Variants in OTOA observed in about 807,000 individuals in gnomAD.
The protein encoded by OTOA is otoancorin.
Under a neutral mutation model 110.8 loss-of-function variants are expected in OTOA, and 70 were observed. That is an observed-to-expected ratio of 0.63 (90% confidence interval 0.52 to 0.77). OTOA has a LOEUF of 0.77. Ranked by LOEUF, OTOA falls within the 30% of genes least tolerant of loss-of-function variation. The pLI is 0.00. For missense variants in OTOA, 917 were observed against 1,075.8 expected (o/e 0.85, Z 2.06); for synonymous variants, 373 against 431.5 (o/e 0.86, Z 1.68).
Position 21,728,408 on chromosome 16 carries a change from G to T in OTOA, c.2184G>T (p.Arg728Ser), listed in dbSNP as rs1416547065. Residue 728 changes from arginine (R) to serine (S), a missense_variant, in exon 20 of 29, where the codon AGG becomes AGT. By Grantham distance (110) the Arg-to-Ser change is moderately radical. Coordinates refer to ENST00000646100, the MANE Select transcript of OTOA (RefSeq NM_144672.4). ...ACCCTGAGCAAAAGGCTGCAGTGAG[G>T]CTCAAGCTCCTGGGACAGTATGGGT... The part of the protein sequence containing the change: ...DLNPEQKAAV[R>S]LKLLGQYGLP... 5.0e-6 allele frequency: 8 copies of T among 1,613,918 alleles called. No homozygotes were observed. The highest frequency in any genetic ancestry group is 6.8e-6 in the Non-Finnish European group (8 of 1,179,982).
intron 12 of OTOA, 67 bp downstream of exon 12, chr16:21,705,359 C>T: frequency 6.2e-7 from 1 of 1,610,954 alleles, no homozygotes; most frequent in Non-Finnish European, 8.5e-7. Context: ...ATGGGGAGAA[C>T]AGCCTAGCTT....
chr16:21,666,715 TG>T (rs1381498178), intron 1 of OTOA, among the ~76,000 whole-genome samples: 2 of 152,012 alleles, frequency 1.3e-5, no homozygotes, highest in Non-Finnish European at 2.9e-5. Flanking sequence ...AATCTTTCAG[TG>T]GGGAAGGGGT....
intron 27 of OTOA, among the ~76,000 whole-genome samples, chr16:21,753,894 CTA>C (rs2141761060): frequency 7.7e-6 from 1 of 130,032 alleles, no homozygotes; most frequent in Non-Finnish European, 1.7e-5. Flanking sequence ...AACCCCATCT[CTA>C]TGAAAAATAC....
At chr16:21,703,594 T>A (rs888667133) in intron 11 of OTOA, among the ~76,000 whole-genome samples, 3 of 152,172 alleles carry the variant, frequency 2.0e-5, no homozygotes, top group Admixed American at 6.6e-5. Flanking sequence ...ACGTGGTTAT[T>A]AACGTTCAGC....
At chr16:21,710,521 C>T (rs115768572) in intron 13 of OTOA, among the ~76,000 whole-genome samples, 2,745 of 152,204 alleles carry the variant, frequency 0.018, 104 homozygotes, top group African/African-American at 0.062. Context: ...TCTTGGGAGA[C>T]ACAAATATTT....
At chr16:21,724,114 G>A (rs1898842827) in intron 18 of OTOA, among the ~76,000 whole-genome samples, 2 of 152,282 alleles carry the variant, frequency 1.3e-5, no homozygotes, top group South Asian at 2.1e-4. Context: ...GGACAGAGGT[G>A]GAAGAACATG....
intron 7 of OTOA, 71 bp downstream of exon 7, chr16:21,685,432 T>A: frequency 1.3e-6 from 2 of 1,588,316 alleles, no homozygotes; most frequent in Non-Finnish European, 1.7e-6. Flanking sequence ...ATTGAATAAA[T>A]GGAGCCTGAC....
chr16:21,695,181 C>T (rs569970390), intron 9 of OTOA, among the ~76,000 whole-genome samples: 2 of 151,380 alleles, frequency 1.3e-5, no homozygotes, highest in South Asian at 4.2e-4. Flanking sequence ...AGGAGGATTG[C>T]TTGAGGCCAG....
chr16:21,723,522 A>G (rs1477094428), intron 18 of OTOA, among the ~76,000 whole-genome samples: 1 of 152,174 alleles, frequency 6.6e-6, no homozygotes, highest in African/African-American at 2.4e-5. Flanking sequence ...GAAGATTTAG[A>G]AATTCCTATT....
At chr16:21,715,992 C>G (rs543625420) in intron 14 of OTOA, among the ~76,000 whole-genome samples, 2 of 152,238 alleles carry the variant, frequency 1.3e-5, no homozygotes, top group East Asian at 3.9e-4. Context: ...TCACTGCAGC[C>G]TCCACCTCTG....
Position 21,714,965 on chromosome 16 carries a change from C to G in OTOA, c.1321-20C>G, listed in dbSNP as rs779754167. ...GAAAGGCGGGAGCAGAGCCTGACTG[C>G]GCAGCCGCTCCTCTTCCAGGTGCTG... On this transcript the variant is annotated intron_variant, in intron 13 of 28. Transcript: ENST00000646100. 7 of 1,613,738 alleles carry G rather than the reference C, an allele frequency of 4.3e-6. No individual in the cohort carries two copies. In the African/African-American group the frequency reaches 9.3e-5, roughly 22 times the overall value.
chr16:21,755,843 C>G (rs941910846), intron 27 of OTOA, among the ~76,000 whole-genome samples: 1 of 152,294 alleles, frequency 6.6e-6, no homozygotes, highest in Non-Finnish European at 1.5e-5. Context: ...GAAGAAGAAA[C>G]AGTGTTCCAG....
chr16:21,687,356 G>A, intron 7 of OTOA, 57 bp from the exon 8 acceptor site: 1 of 1,438,018 alleles, frequency 7.0e-7, no homozygotes, highest in Non-Finnish European at 9.8e-7. Context: ...TCCCTCCCAG[G>A]GCTTCCAAAT....
chr16:21,708,690 C>T (rs1898268231), intron 12 of OTOA, among the ~76,000 whole-genome samples: 1 of 152,192 alleles, frequency 6.6e-6, no homozygotes, highest in African/African-American at 2.4e-5. Context: ...GTTTCTTCTA[C>T]TTCACTCTGC....
chr16:21,743,285 A>ATTTTG (rs1899541158), intron 23 of OTOA, among the ~76,000 whole-genome samples: 1 of 148,996 alleles, frequency 6.7e-6, no homozygotes, highest in Non-Finnish European at 1.5e-5. Flanking sequence ...AAGGGACTTG[A>ATTTTG]ATATCCATGG....
chr16:21,726,614 T>A lies in OTOA; in HGVS notation c.1972T>A (p.Ser658Thr). Residue 658 changes from serine (S) to threonine (T), a missense_variant, in exon 19 of 29, where the codon TCC becomes ACC. Around this residue, in one of 6 missense-constraint regions of OTOA, gnomAD observed 840 missense variants for 910.2 expected, o/e 0.92. Transcript: ENST00000646100. ...KSWLDSLVLD[S>T]HKKTSVLRKV... The stretch of plus-strand genomic sequence containing the variant: ...CTGGTTGGACTCCTTGGTTTTAGAT[T>A]CCCACAAAAAGACTTCAGTCCTCAG... 6.2e-7 allele frequency: 1 copy of A among 1,613,956 alleles called. No homozygotes were observed. Among genetic ancestry groups the A allele is most frequent in the Non-Finnish European group, 8.5e-7 (1 of 1,179,966 alleles).
At chr16:21,714,956 G>A (rs755896506) in intron 13 of OTOA, 29 bp from the exon 14 acceptor site, 6 of 1,613,646 alleles carry the variant, frequency 3.7e-6, no homozygotes, top group Non-Finnish European at 5.1e-6. Flanking sequence ...CGGGAGCAGA[G>A]CCTGACTGCG....
intron 18 of OTOA, among the ~76,000 whole-genome samples, chr16:21,724,781 A>G (rs924008084): frequency 3.3e-5 from 5 of 151,504 alleles, no homozygotes; most frequent in Non-Finnish European, 7.4e-5. Context: ...TAATTAATTA[A>G]TTTATTTATT....
At chr16:21,749,680 A>G (rs1899763009) in intron 24 of OTOA, among the ~76,000 whole-genome samples, 1 of 110,594 alleles carries the variant, frequency 9.0e-6, no homozygotes, top group Non-Finnish European at 1.7e-5. Context: ...ATGAGCACTG[A>G]AGGAACCAGA....
Sources: gnomAD v4.1 joint callset for allele counts (sites outside exome capture counted in the v4.1 genomes callset) on GRCh38, gnomAD v4.1.1 for gene constraint, gnomAD v4.1.1 regional missense constraint, MANE v1.5 for transcripts, NCBI Gene and HGNC (gene_info 2026-07-23, HGNC 2026-07-21) for gene names.